The following PCDHGA4 variants were observed in gnomAD, a reference collection of about 807,000 sequenced individuals.
PCDHGA4 encodes protocadherin gamma subfamily A, 4, also known as protocadherin gamma-A4.
Under a neutral mutation model 54.6 loss-of-function variants are expected in PCDHGA4, and 38 were observed. That is an observed-to-expected ratio of 0.70 (90% CI 0.54 to 0.91). The LOEUF is 0.91. Among genes scored for constraint, PCDHGA4 ranks in the 40% least tolerant of loss-of-function variants. PCDHGA4 has a pLI of 0.00. For synonymous variants in PCDHGA4, 511 were observed against 512.9 expected, an observed-to-expected ratio of 1.00 and a Z score of 0.05; for missense variants, 1,298 against 1,220.9, an observed-to-expected ratio of 1.06 and a Z score of -0.94.
chr5:141,360,494 C>A (rs769927521), intron 1 of PCDHGA4: 3 of 1,613,924 alleles, frequency 1.9e-6, no homozygotes, highest in Admixed American at 1.7e-5. Context: ...TTCTACATAG[C>A]AGTAATTGTG....
At chr5:141,395,110 G>A (rs2150602560) in intron 1 of PCDHGA4, 1 of 1,614,214 alleles carries the variant, frequency 6.2e-7, no homozygotes, top group Admixed American at 1.7e-5. Context: ...TCGCGGAAGA[G>A]TCACCTGATC....
chr5:141,428,587 G>C (rs914718913), intron 1 of PCDHGA4: 6 of 226,650 alleles, frequency 2.6e-5, no homozygotes, highest in Non-Finnish European at 5.3e-5. Flanking sequence ...AGTTTCTCTG[G>C]TAGCAAGCTT....
At chr5:141,449,737 A>T (rs1174103155) in intron 1 of PCDHGA4, among the ~76,000 whole-genome samples, 3 of 151,666 alleles carry the variant, frequency 2.0e-5, no homozygotes, top group Non-Finnish European at 4.4e-5. Flanking sequence ...TTTTTATGAC[A>T]TGATTATTTT....
At chr5:141,472,507 T>G (rs919448316) in intron 1 of PCDHGA4, among the ~76,000 whole-genome samples, 2 of 151,872 alleles carry the variant, frequency 1.3e-5, no homozygotes, top group African/African-American at 4.8e-5. Context: ...GCCACTGCAC[T>G]CCAGCCTGGG....
Position 141,462,050 on chromosome 5 carries a change from C to T in PCDHGA4, c.2515-32757C>T, listed in dbSNP as rs146056741. On this transcript the variant is annotated intron_variant, in intron 1 of 3. Coordinates refer to ENST00000571252, the MANE Select transcript of PCDHGA4 (RefSeq NM_018917.4). ...GTTGGTCAGGCGGGTCTTGAACTCC[C>T]GACCTCAGGTGATCTGCCCGCCTTG... is the stretch of plus-strand genomic sequence containing the variant. 5.5e-3 allele frequency among the ~76,000 whole-genome samples: 830 copies of T among 151,978 alleles called. 23 individuals are homozygous for T. The East Asian group carries it at 0.095, about 17-fold the overall frequency.
intron 2 of PCDHGA4, among the ~76,000 whole-genome samples, chr5:141,496,500 C>T (rs1350421492): frequency 6.6e-6 from 1 of 152,162 alleles, no homozygotes; most frequent in Non-Finnish European, 1.5e-5. Flanking sequence ...ACCCTTGTTG[C>T]CACAAGGACC....
chr5:141,489,530 G>C lies in PCDHGA4; in HGVS notation c.2515-5277G>C, dbSNP rs751249228. 17 of 1,614,092 alleles carry C rather than the reference G, an allele frequency of 1.1e-5. 1 individual carries two copies. In the South Asian group the frequency reaches 1.9e-4, roughly 18 times the overall value. ...AAGATTGACCGAGAAAGCCTATGTG[G>C]AGCCAGCACCAGCTGCCTGCTGCCA... On this transcript the variant is annotated intron_variant, in intron 1 of 3. Coordinates refer to ENST00000571252, the MANE Select transcript of PCDHGA4 (RefSeq NM_018917.4). The surrounding 1 kb of genome is among the most constrained non-coding windows in gnomAD (Gnocchi z 4.5).
intron 1 of PCDHGA4, among the ~76,000 whole-genome samples, chr5:141,373,763 G>A (rs951115131): frequency 6.6e-6 from 1 of 152,192 alleles, no homozygotes; most frequent in African/African-American, 2.4e-5. Context: ...AATATTATGA[G>A]TGTCATCTCT....
chr5:141,370,754 T>A, intron 1 of PCDHGA4: 1 of 1,613,980 alleles, frequency 6.2e-7, no homozygotes, highest in Non-Finnish European at 8.5e-7. Flanking sequence ...TTCATGTAAC[T>A]GTGCTGATCC....
rs553772792 is a variant in PCDHGA4, at chr5:141,444,542, G to A, written c.2515-50265G>A. ...AGGTGAGACAGTGACTGTGTCTAGT[G>A]AGCAAAAGGCACTTATTTGACACTT... On this transcript the variant is annotated intron_variant, in intron 1 of 3. Coordinates refer to ENST00000571252, the MANE Select transcript of PCDHGA4 (RefSeq NM_018917.4). 3.3e-5 allele frequency among the ~76,000 whole-genome samples: 5 copies of A among 152,156 alleles called. No individual in the cohort carries two copies. The East Asian group carries it at 7.7e-4, about 24-fold the overall frequency.
chr5:141,479,606 T>TA (rs1315315740), intron 1 of PCDHGA4: 1 of 152,184 alleles, frequency 6.6e-6, no homozygotes, highest in Non-Finnish European at 1.5e-5. Context: ...GCCTAGGCAA[T>TA]ATAGGGAAAC....
intron 1 of PCDHGA4, chr5:141,393,064 T>C: frequency 6.2e-7 from 1 of 1,613,630 alleles, no homozygotes. Flanking sequence ...AGCGGCAGCT[T>C]GATCACCGCG....
intron 1 of PCDHGA4, chr5:141,361,915 G>T: frequency 6.2e-7 from 1 of 1,608,488 alleles, no homozygotes; most frequent in Non-Finnish European, 8.5e-7. Flanking sequence ...GGTGGTGGCG[G>T]TGGACGCAGA....
intron 1 of PCDHGA4, chr5:141,394,604 C>G: frequency 6.2e-7 from 1 of 1,613,590 alleles, no homozygotes. Context: ...TGGACAGAGA[C>G]TCGGGCCAGA....
At chr5:141,362,673 A>T (rs1474121770) in intron 1 of PCDHGA4, 1 of 1,246,170 alleles carries the variant, frequency 8.0e-7, no homozygotes, top group African/African-American at 1.5e-5. Context: ...GTTGTGCCTT[A>T]ATTGTCTTAA....
chr5:141,511,031 A>G lies in PCDHGA4; in HGVS notation c.2747A>G (p.Gln916Arg). 6.2e-7 allele frequency: 1 copy of G among 1,614,244 alleles called. No individual in the cohort carries two copies. The highest frequency in any genetic ancestry group is 8.5e-7 in the Non-Finnish European group (1 of 1,180,034). ...SARYGPQFTL[Q>R]HVPDYRQNVY... Reference sequence around the variant, plus strand: ...CGCTACGGACCCCAGTTCACCCTGCAGCACGTGCCCGACTACCGCCAGAAT... The same window carrying G: ...CGCTACGGACCCCAGTTCACCCTGCGGCACGTGCCCGACTACCGCCAGAAT... The change falls in exon 4 of 4, where the codon CAG (glutamine) becomes CGG (arginine). Residue 916 changes from glutamine to arginine, a missense_variant. Gln to Arg is a conservative substitution (Grantham distance 43). Coordinates refer to ENST00000571252, the MANE Select transcript of PCDHGA4 (RefSeq NM_018917.4).
chr5:141,408,725 A>G, intron 1 of PCDHGA4: 1 of 1,610,988 alleles, frequency 6.2e-7, no homozygotes, highest in Non-Finnish European at 8.5e-7. Context: ...GATAAACTCT[A>G]ATCCTTATTT....
chr5:141,458,513 GT>G (rs537551567), intron 1 of PCDHGA4, among the ~76,000 whole-genome samples: 34 of 146,056 alleles, frequency 2.3e-4, no homozygotes, highest in South Asian at 6.5e-4. Flanking sequence ...TTGACACTTT[GT>G]TTTTTTTTTT....
intron 1 of PCDHGA4, chr5:141,403,027 G>A: frequency 6.2e-7 from 1 of 1,614,070 alleles, no homozygotes; most frequent in East Asian, 2.2e-5. Context: ...TGCTATGGGA[G>A]GCCAGGGCCA....
Sources: allele counts gnomAD v4.1 joint callset (sites outside exome capture counted in the v4.1 genomes callset), GRCh38; gene constraint gnomAD v4.1.1; non-coding constraint Gnocchi (gnomAD v3.1); transcripts MANE v1.5; gene names NCBI Gene and HGNC (gene_info 2026-07-23, HGNC 2026-07-21).